The following BNC2 variants were observed in gnomAD, a reference collection of about 807,000 sequenced individuals.
BNC2 encodes the protein zinc finger protein basonuclin-2.
Under a neutral mutation model 76.3 loss-of-function variants are expected in BNC2, and 20 were observed. The observed-to-expected ratio is 0.26, with a 90% CI of 0.18 to 0.38. The LOEUF (loss-of-function observed/expected upper bound fraction) is 0.38, where lower values mean the gene tolerates loss of function less well. BNC2 is among the 10% of genes least tolerant of loss of function. The pLI, the probability that BNC2 is intolerant of heterozygous loss-of-function variation, is 1.00. For missense variants in BNC2, 1,382 were observed against 1,399.8 expected (o/e 0.99, Z 0.20); for synonymous variants, 582 against 514.8 (o/e 1.13, Z -1.77).
At chr9:16,426,715 T>C (rs1820809759) in intron 6 of BNC2, among the ~76,000 whole-genome samples, 1 of 151,224 alleles carries the variant, frequency 6.6e-6, no homozygotes, top group Non-Finnish European at 1.5e-5. Flanking sequence ...CAACCAGCAA[T>C]GCATGCATGC....
At chr9:16,622,909 A>G (rs1820902385) in intron 3 of BNC2, among the ~76,000 whole-genome samples, 1 of 152,154 alleles carries the variant, frequency 6.6e-6, no homozygotes, top group South Asian at 2.1e-4. Context: ...TCTACTGTTA[A>G]AAAACGATGA....
At chr9:16,661,431 G>C (rs1341056645) in intron 3 of BNC2, among the ~76,000 whole-genome samples, 1 of 152,094 alleles carries the variant, frequency 6.6e-6, no homozygotes, top group Non-Finnish European at 1.5e-5. Flanking sequence ...GAAGTGATCA[G>C]TATACTATAT....
intron 5 of BNC2, among the ~76,000 whole-genome samples, chr9:16,472,927 T>C (rs1037742912): frequency 6.6e-6 from 1 of 152,030 alleles, no homozygotes. Flanking sequence ...GGTGGAAGCA[T>C]GGGAAATGGA....
At chr9:16,859,117 A>G (rs951239896) in intron 1 of BNC2, among the ~76,000 whole-genome samples, 2 of 152,160 alleles carry the variant, frequency 1.3e-5, no homozygotes, top group African/African-American at 4.8e-5. Context: ...AACATCAGGA[A>G]TCAAGGAAAG....
intron 1 of BNC2, among the ~76,000 whole-genome samples, chr9:16,739,964 C>T (rs74343556): frequency 0.032 from 4,833 of 152,244 alleles, 186 homozygotes; most frequent in East Asian, 0.086. Context: ...AGAAAACAGA[C>T]TGATACTGAA....
At chr9:16,598,335 T>TTGCTAAAATGTCTATTACTGAGTATTATC (rs1820151440) in intron 3 of BNC2, among the ~76,000 whole-genome samples, 1 of 152,200 alleles carries the variant, frequency 6.6e-6, no homozygotes, top group South Asian at 2.1e-4. Context: ...AGTGATGAAG[T>TTGCTAAAATGTCTATTACTGAGTATTATC]TGCTAAAATG....
chr9:16,461,431 G>C (rs1927636), intron 5 of BNC2, among the ~76,000 whole-genome samples: 83,566 of 152,090 alleles, frequency 0.55, 26,872 homozygotes, highest in African/African-American at 0.89. Context: ...GTGATAAGAG[G>C]CAAATATCTT....
At chr9:16,442,210 G>A (rs542370819) in intron 5 of BNC2, among the ~76,000 whole-genome samples, 38 of 152,262 alleles carry the variant, frequency 2.5e-4, no homozygotes, top group African/African-American at 8.2e-4. Context: ...GAAAATAACT[G>A]GCTATACTGT....
rs890498045 is a variant in BNC2 at position 16,413,998 on chromosome 9, G to C, written c.*4991C>G. On this transcript the variant is annotated 3_prime_UTR_variant, in exon 7 of 7. Coordinates refer to ENST00000380672, the MANE Select transcript of BNC2 (RefSeq NM_017637.6). ...GGTGTTACCACTGGCCTTTTCTATA[G>C]CCTTGCTGACCCCTGGCATCTTTCG... is the stretch of plus-strand genomic sequence containing the variant. 6.6e-6 allele frequency: 1 copy of C among 152,076 alleles called. No individual in the cohort carries two copies. Among genetic ancestry groups the C allele is most frequent in the African/African-American group, 2.4e-5 (1 of 41,404 alleles). 9.4% of individuals were successfully genotyped at this position (152,076 alleles called of 1,614,324 possible).
At chr9:16,568,911 A>G (rs1456675158) in intron 4 of BNC2, among the ~76,000 whole-genome samples, 5 of 152,154 alleles carry the variant, frequency 3.3e-5, no homozygotes, top group Non-Finnish European at 7.3e-5. Flanking sequence ...TAAGTACAAA[A>G]TAACTCATGT....
chr9:16,845,111 G>T (rs1029599676), intron 1 of BNC2, among the ~76,000 whole-genome samples: 2 of 152,124 alleles, frequency 1.3e-5, no homozygotes, highest in African/African-American at 4.8e-5. Context: ...GTCGGGCTGG[G>T]GGCCAACCTT....
chr9:16,861,915 G>A (rs1373460869), intron 1 of BNC2, among the ~76,000 whole-genome samples: 12 of 152,044 alleles, frequency 7.9e-5, no homozygotes, highest in African/African-American at 2.9e-4. Context: ...CGTGAACCTG[G>A]GAGGTGGAGC....
chr9:16,824,974 G>A (rs1818419375), intron 1 of BNC2, among the ~76,000 whole-genome samples: 1 of 152,014 alleles, frequency 6.6e-6, no homozygotes, highest in Non-Finnish European at 1.5e-5. Context: ...CTGCCATCTG[G>A]TGTTAAGATA....
intron 1 of BNC2, among the ~76,000 whole-genome samples, chr9:16,760,040 C>T (rs868107022): frequency 2.0e-5 from 3 of 152,066 alleles, no homozygotes; most frequent in Non-Finnish European, 4.4e-5. Flanking sequence ...GAAACTCTTA[C>T]GAGCTAAGTA....
chr9:16,527,507 C>T (rs984263522), intron 5 of BNC2, among the ~76,000 whole-genome samples: 6 of 152,294 alleles, frequency 3.9e-5, no homozygotes, highest in African/African-American at 1.4e-4. Context: ...GTGAAGCCCA[C>T]CAACACAACT....
intron 5 of BNC2, among the ~76,000 whole-genome samples, chr9:16,485,533 A>T (rs922844650): frequency 6.6e-6 from 1 of 152,224 alleles, no homozygotes; most frequent in African/African-American, 2.4e-5. Flanking sequence ...AAGGGATCAT[A>T]TAGGCTCTGT....
intron 3 of BNC2, among the ~76,000 whole-genome samples, chr9:16,706,513 T>C (rs144316883): frequency 0.012 from 1,792 of 152,292 alleles, 33 homozygotes; most frequent in African/African-American, 0.04. Context: ...ACATCTTACT[T>C]CATCTAAGAG....
Position 16,452,462 on chromosome 9 carries a change from G to A in BNC2, c.670-14938C>T, listed in dbSNP as rs951640870. On this transcript the variant is annotated intron_variant, in intron 5 of 6. Coordinates refer to ENST00000380672, the MANE Select transcript of BNC2 (RefSeq NM_017637.6). ...ATTTTTTAGACAGTCTTTCTCTGTC[G>A]CCCAGGCTGGAATGCAGTGGCACGA... Among the ~76,000 whole-genome samples, 110 of 151,878 alleles carry A rather than the reference G, an allele frequency of 7.2e-4. 1 individual carries two copies. Among genetic ancestry groups the A allele is most frequent in the African/African-American group, 2.5e-3 (105 of 41,334 alleles).
At position 16,413,160 on chromosome 9, in the gene BNC2, C is replaced by A. The variant is rs74851347; in HGVS notation, c.*5829G>T. ...GGTCCACTATTTGTTACAGACTGAG[C>A]CTTGGTCTTCATATCCTATATAAAA... On this transcript the variant is annotated 3_prime_UTR_variant, in exon 7 of 7. Transcript: ENST00000380672. The A allele has an allele frequency of 0.096, 14,641 of 151,864 alleles. 861 individuals carry two copies. Among genetic ancestry groups the A allele is most frequent in the African/African-American group, 0.16 (6,712 of 41,216 alleles). 9.4% of individuals were successfully genotyped at this position (151,864 alleles called of 1,614,324 possible). A position where few individuals can be genotyped will look rare whatever the true frequency, so the allele number is the denominator to read the frequency against.
Sources: gnomAD v4.1 joint callset for allele counts (sites outside exome capture counted in the v4.1 genomes callset) on GRCh38, gnomAD v4.1.1 for gene constraint, MANE v1.5 for transcripts, NCBI Gene and HGNC (gene_info 2026-07-23, HGNC 2026-07-21) for gene names.